Variants in ABAT observed in about 807,000 individuals in gnomAD.
ABAT encodes the protein 4-aminobutyrate aminotransferase, mitochondrial.
Under a neutral mutation model 64.6 loss-of-function variants are expected in ABAT, and 45 were observed. That is an observed-to-expected ratio of 0.70 (90% CI 0.55 to 0.89). The LOEUF (loss-of-function observed/expected upper bound fraction) is 0.89. Ranked by LOEUF, ABAT falls within the 40% of genes least tolerant of loss-of-function variation. The probability of loss-of-function intolerance (pLI) is 0.00; values close to 1 mark genes in which losing one functional copy is unlikely to be tolerated. For synonymous variants in ABAT, 297 were observed against 250.5 expected (o/e 1.19, Z -1.75); for missense variants, 633 against 658.4 (o/e 0.96, Z 0.42).
In ABAT at chr16:8,783,045, C is replaced by T. The variant is rs925342988; in HGVS notation, c.*1615C>T. On this transcript the variant is annotated 3_prime_UTR_variant, in exon 16 of 16. Transcript: ENST00000268251. Reference sequence around the variant, plus strand: ...ATATACAAATTCGTGAATTCTTGTTCATTTTGCATTCCTGCAGTCAGTGCT... The same window carrying T: ...ATATACAAATTCGTGAATTCTTGTTTATTTTGCATTCCTGCAGTCAGTGCT... The T allele has an allele frequency of 6.6e-6, 1 of 152,006 alleles. No homozygotes were observed. The highest frequency in any genetic ancestry group is 2.4e-5 in the African/African-American group (1 of 41,400). The allele number at this position is 152,006 out of a possible 1,614,324, so 9.4% of individuals were successfully genotyped here.
chr16:8,719,459 C>T (rs530866025), intron 1 of ABAT, among the ~76,000 whole-genome samples: 1 of 152,150 alleles, frequency 6.6e-6, no homozygotes, highest in African/African-American at 2.4e-5. Flanking sequence ...TTTTTCTCTC[C>T]AGTTTTTTCA....
At chr16:8,715,373 T>TAG (rs2058184273) in intron 1 of ABAT, 1 of 152,052 alleles carries the variant, frequency 6.6e-6, no homozygotes, top group Non-Finnish European at 1.5e-5. Flanking sequence ...ATCCCAGTGC[T>TAG]TTGGGAGTCC....
At chr16:8,722,591 G>T (rs556830652) in intron 1 of ABAT, among the ~76,000 whole-genome samples, 1 of 152,144 alleles carries the variant, frequency 6.6e-6, no homozygotes, top group African/African-American at 2.4e-5. Context: ...ACTGAGGTTC[G>T]GGAAATGCAT....
intron 11 of ABAT, among the ~76,000 whole-genome samples, chr16:8,772,534 T>G (rs2060143670): frequency 6.6e-6 from 1 of 152,226 alleles, no homozygotes; most frequent in African/African-American, 2.4e-5. Flanking sequence ...AAGTGAGGCT[T>G]CTGAAGCTAA....
chr16:8,736,969 A>G (rs4984999), intron 2 of ABAT: 80,105 of 152,070 alleles, frequency 0.53, 22,007 homozygotes, highest in Admixed American at 0.62. Context: ...ATAGGTTCAG[A>G]AAGACCAGTG....
intron 1 of ABAT, among the ~76,000 whole-genome samples, chr16:8,718,002 G>A (rs1596415078): frequency 6.6e-6 from 1 of 152,242 alleles, no homozygotes; most frequent in African/African-American, 2.4e-5. Flanking sequence ...CAAGGAAACA[G>A]AACAGCACTA....
chr16:8,677,474 A>C (rs901521145), intron 1 of ABAT, among the ~76,000 whole-genome samples: 15 of 152,216 alleles, frequency 9.9e-5, no homozygotes, highest in Non-Finnish European at 2.9e-5. Context: ...TCTGAACCTC[A>C]GTTCCTCGTC....
At chr16:8,751,484 G>T (rs1409260419) in intron 5 of ABAT, among the ~76,000 whole-genome samples, 6 of 152,156 alleles carry the variant, frequency 3.9e-5, no homozygotes, top group Admixed American at 2.6e-4. Flanking sequence ...AATAAGCTAA[G>T]AAGGATGAGG....
intron 1 of ABAT, among the ~76,000 whole-genome samples, chr16:8,695,624 T>A (rs1484440234): frequency 6.6e-6 from 1 of 152,226 alleles, no homozygotes; most frequent in African/African-American, 2.4e-5. Context: ...GGAAATCAGT[T>A]AGCATCGGGT....
At chr16:8,701,471 G>A (rs2057820876) in intron 1 of ABAT, among the ~76,000 whole-genome samples, 1 of 152,238 alleles carries the variant, frequency 6.6e-6, no homozygotes, top group Non-Finnish European at 1.5e-5. Context: ...CCTGGCCAGA[G>A]GCCACAAGCT....
chr16:8,746,128 T>A, intron 3 of ABAT, 30 bp downstream of exon 3: 1 of 1,583,106 alleles, frequency 6.3e-7, no homozygotes, highest in Non-Finnish European at 8.7e-7. Context: ...GTGGGGTATT[T>A]TGGAAAAGGG....
chr16:8,760,684 T>G (rs1255644024), intron 6 of ABAT, among the ~76,000 whole-genome samples: 2 of 152,050 alleles, frequency 1.3e-5, no homozygotes, highest in Non-Finnish European at 2.9e-5. Context: ...TGGCAGTTGG[T>G]GCTGAAAAAA....
chr16:8,679,541 A>AT (rs1555482703), intron 1 of ABAT, among the ~76,000 whole-genome samples: 12 of 150,814 alleles, frequency 8.0e-5, no homozygotes, highest in African/African-American at 2.7e-4. Flanking sequence ...AAAAAAAAAA[A>AT]GGTAGAAGGA....
At chr16:8,777,845 G>C (rs931156769) in intron 14 of ABAT, among the ~76,000 whole-genome samples, 12 of 152,156 alleles carry the variant, frequency 7.9e-5, no homozygotes, top group African/African-American at 2.9e-4. Flanking sequence ...AGGCACAGGG[G>C]CTCATGCCTG....
chr16:8,686,893 G>A (rs1419968599), intron 1 of ABAT, among the ~76,000 whole-genome samples: 2 of 152,210 alleles, frequency 1.3e-5, no homozygotes, highest in Non-Finnish European at 2.9e-5. Context: ...CTGATGGTAT[G>A]TGGAGAAAGT....
chr16:8,764,683 C>T lies in ABAT; in HGVS notation c.448-55C>T, dbSNP rs74008062. On this transcript the variant is annotated intron_variant, in intron 7 of 15. Coordinates refer to ENST00000268251, the MANE Select transcript of ABAT (RefSeq NM_020686.6). The surrounding 1 kb of genome is among the most constrained non-coding windows in gnomAD (Gnocchi z 4.2). ...AAGATTCAGCTCCAGCCAGGGGAAGCGGGAGGACAGGAGTCATGATGAGCC... is the reference window on the plus strand; with the variant it reads ...AAGATTCAGCTCCAGCCAGGGGAAGTGGGAGGACAGGAGTCATGATGAGCC... 8.4e-4 allele frequency: 1,262 copies of T among 1,507,362 alleles called. 17 individuals carry two copies. The African/African-American group carries it at 0.015, about 18-fold the overall frequency. 93.4% of individuals were successfully genotyped at this position (1,507,362 alleles called of 1,614,324 possible). A position where few individuals can be genotyped will look rare whatever the true frequency, so the allele number is the denominator to read the frequency against.
At chr16:8,708,153 C>T (rs533397116) in intron 1 of ABAT, among the ~76,000 whole-genome samples, 3 of 127,190 alleles carry the variant, frequency 2.4e-5, no homozygotes, top group Non-Finnish European at 5.1e-5. Flanking sequence ...ATTCTCAGCC[C>T]ATCTAGACAA....
intron 2 of ABAT, among the ~76,000 whole-genome samples, chr16:8,742,244 T>C (rs1346976883): frequency 6.6e-6 from 1 of 152,174 alleles, no homozygotes; most frequent in African/African-American, 2.4e-5. Context: ...TCTCCAGTCA[T>C]TTCTCTCTGG....
chr16:8,712,711 A>T (rs977134258), intron 1 of ABAT: 5 of 152,280 alleles, frequency 3.3e-5, no homozygotes, highest in Non-Finnish European at 5.9e-5. Flanking sequence ...AATTGCCCTA[A>T]CGTGCTGATT....
Sources: gnomAD v4.1 joint callset for allele counts (sites outside exome capture counted in the v4.1 genomes callset) on GRCh38, gnomAD v4.1.1 for gene constraint, Gnocchi (gnomAD v3.1) non-coding constraint, MANE v1.5 for transcripts, NCBI Gene and HGNC (gene_info 2026-07-23, HGNC 2026-07-21) for gene names.